OCA2: variants seen among roughly 807,000 people sequenced by gnomAD.
The protein encoded by OCA2 is OCA2 melanosomal transmembrane protein, also known as P protein.
In OCA2, 77 loss-of-function variants were observed where a neutral mutation model predicts 100.2. The observed-to-expected ratio is 0.77, with a 90% confidence interval of 0.64 to 0.93. The LOEUF is 0.93. Among genes scored for constraint, OCA2 ranks in the 40% least tolerant of loss-of-function variants. The pLI, the probability that OCA2 is intolerant of heterozygous loss-of-function variation, is 0.00. For missense variants in OCA2, 1,062 were observed against 1,089.1 expected (o/e 0.98, Z 0.35); for synonymous variants, 432 against 439.2 (o/e 0.98, Z 0.21).
chr15:27,886,134 G>A (rs2037213602), intron 19 of OCA2, among the ~76,000 whole-genome samples: 1 of 152,182 alleles, frequency 6.6e-6, no homozygotes, highest in Non-Finnish European at 1.5e-5. Context: ...CACCTAGCAA[G>A]AAGGCCACCG....
chr15:27,818,064 C>T (rs1306637541), intron 23 of OCA2, among the ~76,000 whole-genome samples: 1 of 152,196 alleles, frequency 6.6e-6, no homozygotes, highest in Non-Finnish European at 1.5e-5. Flanking sequence ...AGCTATTATA[C>T]TAAACATTAT....
chr15:28,049,407 G>C (rs1276382341), intron 2 of OCA2, among the ~76,000 whole-genome samples: 3 of 152,172 alleles, frequency 2.0e-5, no homozygotes, highest in Admixed American at 1.3e-4. Context: ...ATGAAAAACA[G>C]TTTTGCAGGT....
At chr15:27,758,492 G>T (rs563277408) in intron 23 of OCA2, among the ~76,000 whole-genome samples, 1 of 152,278 alleles carries the variant, frequency 6.6e-6, no homozygotes, top group South Asian at 2.1e-4. Flanking sequence ...AATGAGAAAA[G>T]CCAATCAACA....
intron 21 of OCA2, among the ~76,000 whole-genome samples, chr15:27,865,366 G>A (rs1187685973): frequency 2.0e-5 from 3 of 152,160 alleles, no homozygotes; most frequent in African/African-American, 7.2e-5. Flanking sequence ...AGTGAAGAGT[G>A]TCCTGTTGAC....
intron 2 of OCA2, among the ~76,000 whole-genome samples, chr15:28,035,736 G>A (rs1473649841): frequency 6.6e-6 from 1 of 151,266 alleles, no homozygotes; most frequent in Non-Finnish European, 1.5e-5. Context: ...TTTCCCCCAT[G>A]TCTCAATAAA....
chr15:27,836,394 G>T (rs1498520), intron 23 of OCA2, among the ~76,000 whole-genome samples: 89,076 of 151,896 alleles, frequency 0.59, 27,011 homozygotes, highest in East Asian at 0.95. Flanking sequence ...TTCTTTTCTT[G>T]TCTTGTCTTT....
chr15:27,938,142 T>C (rs942659336), intron 18 of OCA2, among the ~76,000 whole-genome samples: 2 of 152,198 alleles, frequency 1.3e-5, no homozygotes, highest in African/African-American at 4.8e-5. Flanking sequence ...CATAATATGA[T>C]GTGATGAAGA....
At chr15:28,008,811 C>T (rs1405214437) in intron 9 of OCA2, among the ~76,000 whole-genome samples, 2 of 152,234 alleles carry the variant, frequency 1.3e-5, no homozygotes, top group Non-Finnish European at 2.9e-5. Context: ...ACAGTGTCAG[C>T]ATCTGGGGAG....
intron 21 of OCA2, among the ~76,000 whole-genome samples, chr15:27,854,544 A>G (rs562160516): frequency 7.9e-5 from 12 of 152,338 alleles, no homozygotes; most frequent in African/African-American, 2.4e-4. Flanking sequence ...GCGTCTATCA[A>G]TCTGATGCAG....
chr15:27,951,956 A>T (rs2140621243), intron 17 of OCA2, 64 bp from the exon 18 acceptor site: 1 of 1,081,818 alleles, frequency 9.2e-7, no homozygotes, highest in African/African-American at 1.6e-5. Flanking sequence ...AGCGTGTCAT[A>T]ACCTACGCAA....
chr15:28,094,403 G>A (rs1305889575), intron 1 of OCA2, among the ~76,000 whole-genome samples: 2 of 152,192 alleles, frequency 1.3e-5, no homozygotes, highest in Non-Finnish European at 2.9e-5. Context: ...GAGAGGGGTA[G>A]GGGAGCTGTA....
At chr15:27,825,675 A>T (rs2034692961) in intron 23 of OCA2, among the ~76,000 whole-genome samples, 1 of 152,184 alleles carries the variant, frequency 6.6e-6, no homozygotes, top group Non-Finnish European at 1.5e-5. Context: ...CCCGGCCTCC[A>T]TGGGGCTACC....
the OCA2 span, among the ~76,000 whole-genome samples, chr15:27,742,574 G>A: frequency 5.6e-3 from 852 of 152,214 alleles, 1 homozygote; most frequent in Non-Finnish European, 9.2e-3. Flanking sequence ...TGCAGCACCG[G>A]GCCACCTTCC....
chr15:27,858,925 C>T (rs1015456376), intron 21 of OCA2, among the ~76,000 whole-genome samples: 2 of 151,818 alleles, frequency 1.3e-5, no homozygotes, highest in Non-Finnish European at 2.9e-5. Context: ...ATTAAACAAC[C>T]AATGAGTTAA....
At chr15:27,960,596 C>G (rs1413382951) in intron 15 of OCA2, among the ~76,000 whole-genome samples, 2 of 151,964 alleles carry the variant, frequency 1.3e-5, no homozygotes, top group Non-Finnish European at 2.9e-5. Context: ...TTTGCTCTAT[C>G]TATCTATCTA....
intron 23 of OCA2, among the ~76,000 whole-genome samples, chr15:27,816,924 T>A (rs1366551510): frequency 1.3e-5 from 2 of 152,134 alleles, no homozygotes; most frequent in East Asian, 3.9e-4. Flanking sequence ...ATTGATAAGA[T>A]GGGCTGATCA....
At chr15:27,780,544 G>C (rs1388628962) in intron 23 of OCA2, among the ~76,000 whole-genome samples, 2 of 152,218 alleles carry the variant, frequency 1.3e-5, no homozygotes, top group Non-Finnish European at 2.9e-5. Flanking sequence ...AGTTGTCTCT[G>C]AGTGTTATTC....
rs192331406 is a variant in OCA2, at chr15:27,886,983, T to C, written c.2080-15061A>G. Among the ~76,000 whole-genome samples, 62 of 152,270 alleles carry C rather than the reference T, an allele frequency of 4.1e-4. 1 individual carries two copies. The South Asian group carries it at 6.0e-3, about 15-fold the overall frequency. On this transcript the variant is annotated intron_variant, in intron 19 of 23. Transcript: ENST00000354638. Reference sequence around the variant, plus strand: ...GTGGGAGGGACCTGGTGGGAGATAATTGAATCATGGGGGGCTGCTCTTTCC... The same window carrying C: ...GTGGGAGGGACCTGGTGGGAGATAACTGAATCATGGGGGGCTGCTCTTTCC...
chr15:27,840,856 A>C lies in OCA2; in HGVS notation c.2432+4103T>G, dbSNP rs149384359. On this transcript the variant is annotated intron_variant, in intron 23 of 23. Coordinates refer to ENST00000354638, the MANE Select transcript of OCA2 (RefSeq NM_000275.3). ...GCATAGGAGATAATCTTTGAAAAAC[A>C]TCTAGGGCTAGGCAAAAAGGTCTCC... is the stretch of plus-strand genomic sequence containing the variant. 4.9e-3 allele frequency among the ~76,000 whole-genome samples: 746 copies of C among 152,366 alleles called. 9 individuals carry two copies. The highest frequency in any genetic ancestry group is 0.017 in the African/African-American group (711 of 41,582).
Sources: gnomAD v4.1 joint callset for allele counts (sites outside exome capture counted in the v4.1 genomes callset) on GRCh38, gnomAD v4.1.1 for gene constraint, MANE v1.5 for transcripts, NCBI Gene and HGNC (gene_info 2026-07-23, HGNC 2026-07-21) for gene names.